The following KCNG3 variants were observed in gnomAD, a reference collection of about 807,000 sequenced individuals.
KCNG3 encodes the protein potassium voltage-gated channel modifier subfamily G member 3, also known as voltage-gated potassium channel regulatory subunit KCNG3.
Under a neutral mutation model 29.0 loss-of-function variants are expected in KCNG3, and 15 were observed. The observed-to-expected ratio is 0.52, with a 90% CI of 0.35 to 0.80. KCNG3 has a LOEUF of 0.80. KCNG3 is among the 30% of genes least tolerant of loss of function. KCNG3 has a pLI of 0.01. For synonymous variants in KCNG3, 322 were observed against 248.9 expected (o/e 1.29, Z -2.76); for missense variants, 512 against 605.7 (o/e 0.85, Z 1.62).
chr2:42,483,150 CTAT>C (rs1188607796), intron 1 of KCNG3, among the ~76,000 whole-genome samples: 1 of 151,924 alleles, frequency 6.6e-6, no homozygotes, highest in Non-Finnish European at 1.5e-5. Context: ...AACAGCTGTT[CTAT>C]TTTTTTAATT....
intron 1 of KCNG3, among the ~76,000 whole-genome samples, chr2:42,457,125 C>T (rs979654553): frequency 1.3e-5 from 2 of 152,064 alleles, no homozygotes; most frequent in Non-Finnish European, 1.5e-5. Context: ...TCACTTAATT[C>T]TCACAACTGT....
the KCNG3 span, among the ~76,000 whole-genome samples, chr2:42,400,546 T>C: frequency 6.6e-6 from 1 of 152,094 alleles, no homozygotes; most frequent in African/African-American, 2.4e-5. Context: ...CACCCCCTCC[T>C]TGTCACCCAC....
the KCNG3 span, among the ~76,000 whole-genome samples, chr2:42,399,954 G>C: frequency 6.6e-6 from 1 of 152,050 alleles, no homozygotes; most frequent in Non-Finnish European, 1.5e-5. Flanking sequence ...TGTTTCTATG[G>C]ACAACATGTG....
intron 1 of KCNG3, among the ~76,000 whole-genome samples, chr2:42,467,734 C>A (rs1558382428): frequency 6.6e-6 from 1 of 150,728 alleles, no homozygotes; most frequent in Non-Finnish European, 1.5e-5. Flanking sequence ...CTTTGGGAGG[C>A]CAAGGCAGGC....
intron 1 of KCNG3, among the ~76,000 whole-genome samples, chr2:42,484,712 T>C (rs537969061): frequency 6.6e-6 from 1 of 152,216 alleles, no homozygotes; most frequent in East Asian, 1.9e-4. Flanking sequence ...TTTACAAATA[T>C]AAAAAGAATA....
intron 1 of KCNG3, among the ~76,000 whole-genome samples, chr2:42,454,145 T>C (rs996598752): frequency 6.6e-6 from 1 of 151,144 alleles, no homozygotes; most frequent in African/African-American, 2.4e-5. Context: ...TTGAGCACTG[T>C]TGGTAGGATT....
At chr2:42,483,622 G>A (rs1673645464) in intron 1 of KCNG3, among the ~76,000 whole-genome samples, 1 of 152,264 alleles carries the variant, frequency 6.6e-6, no homozygotes, top group East Asian at 1.9e-4. Flanking sequence ...ATGAGACTTA[G>A]ACGACAAAAC....
chr2:42,406,789 T>A, the KCNG3 span, among the ~76,000 whole-genome samples: 1 of 146,260 alleles, frequency 6.8e-6, no homozygotes, highest in African/African-American at 2.5e-5. Context: ...ATCGCACCAC[T>A]GCACTCCAGC....
At chr2:42,398,115 C>A in the KCNG3 span, among the ~76,000 whole-genome samples, 1 of 151,920 alleles carries the variant, frequency 6.6e-6, no homozygotes, top group South Asian at 2.1e-4. Flanking sequence ...TCCAGCTACT[C>A]GGAAGGCTGA....
chr2:42,413,109 C>T, the KCNG3 span, among the ~76,000 whole-genome samples: 1 of 152,156 alleles, frequency 6.6e-6, no homozygotes, highest in African/African-American at 2.4e-5. Flanking sequence ...CTCCTGGGCT[C>T]CCACCTTAAC....
the KCNG3 span, among the ~76,000 whole-genome samples, chr2:42,409,279 A>T: frequency 1.3e-5 from 2 of 152,018 alleles, no homozygotes; most frequent in Admixed American, 1.3e-4. Flanking sequence ...CGACACCCCA[A>T]ATATCCTATA....
the KCNG3 span, among the ~76,000 whole-genome samples, chr2:42,420,682 G>C: frequency 3.9e-5 from 6 of 152,092 alleles, no homozygotes; most frequent in African/African-American, 1.2e-4. Flanking sequence ...CCAGCTACTC[G>C]GGAGGCTGAG....
At chr2:42,459,221 G>C (rs1045323094) in intron 1 of KCNG3, among the ~76,000 whole-genome samples, 3 of 150,180 alleles carry the variant, frequency 2.0e-5, no homozygotes, top group African/African-American at 7.4e-5. Context: ...AAAATAGAGA[G>C]AGTGAGAAGA....
chr2:42,489,144 T>A (rs1673808524), intron 1 of KCNG3, among the ~76,000 whole-genome samples: 2 of 151,080 alleles, frequency 1.3e-5, no homozygotes, highest in Admixed American at 1.3e-4. Context: ...CCTGACCTTG[T>A]GATCTGCCCA....
chr2:42,466,185 C>G (rs947622450), intron 1 of KCNG3, among the ~76,000 whole-genome samples: 2 of 152,188 alleles, frequency 1.3e-5, no homozygotes, highest in Non-Finnish European at 2.9e-5. Context: ...ATAGGCGGAT[C>G]ACCTAAGGTC....
the KCNG3 span, among the ~76,000 whole-genome samples, chr2:42,421,437 T>G: frequency 6.6e-6 from 1 of 151,966 alleles, no homozygotes; most frequent in Non-Finnish European, 1.5e-5. Context: ...TAATCAGGAG[T>G]GAGTCAAACA....
chr2:42,437,613 A>C (rs1187673854), downstream of KCNG3, among the ~76,000 whole-genome samples: 1 of 152,130 alleles, frequency 6.6e-6, no homozygotes, highest in Non-Finnish European at 1.5e-5. Flanking sequence ...TTATTTTGCC[A>C]AACAGCACTG....
At chr2:42,402,939 G>A in the KCNG3 span, among the ~76,000 whole-genome samples, 1 of 152,172 alleles carries the variant, frequency 6.6e-6, no homozygotes, top group African/African-American at 2.4e-5. Context: ...GGGAATTTTT[G>A]TTAGGATCAC....
At chr2:42,421,490 TTTCTTC>T in the KCNG3 span, among the ~76,000 whole-genome samples, 1 of 137,368 alleles carries the variant, frequency 7.3e-6, no homozygotes, top group African/African-American at 2.5e-5. Flanking sequence ...TTACTTTTAT[TTTCTTC>T]TTTTTTATTA....
Sources: allele counts gnomAD v4.1 joint callset (sites outside exome capture counted in the v4.1 genomes callset), GRCh38; gene constraint gnomAD v4.1.1; transcripts MANE v1.5; gene names NCBI Gene and HGNC (gene_info 2026-07-23, HGNC 2026-07-21).